The following BNC2 variants were observed in gnomAD, a reference collection of about 807,000 sequenced individuals.
The protein encoded by BNC2 is basonuclin zinc finger protein 2.
Under a neutral mutation model 76.3 loss-of-function variants are expected in BNC2, and 20 were observed. The observed-to-expected ratio is 0.26, with a 90% confidence interval of 0.18 to 0.38. The LOEUF is 0.38. Ranked by LOEUF, BNC2 falls within the 10% of genes least tolerant of loss-of-function variation. The pLI is 1.00. For missense variants in BNC2, 1,382 were observed against 1,399.8 expected, an observed-to-expected ratio of 0.99 and a Z score of 0.20; for synonymous variants, 582 against 514.8, an observed-to-expected ratio of 1.13 and a Z score of -1.77.
chr9:16,791,451 G>C (rs1261053406), intron 1 of BNC2, among the ~76,000 whole-genome samples: 1 of 152,110 alleles, frequency 6.6e-6, no homozygotes, highest in Non-Finnish European at 1.5e-5. Flanking sequence ...TGAAAATTGT[G>C]TATATTAAAA....
intron 1 of BNC2, among the ~76,000 whole-genome samples, chr9:16,856,883 G>A (rs1216153758): frequency 1.3e-5 from 2 of 152,122 alleles, no homozygotes; most frequent in African/African-American, 4.8e-5. Context: ...GTATTACAGG[G>A]AGATTAGATA....
chr9:16,861,915 G>C (rs1373460869), intron 1 of BNC2, among the ~76,000 whole-genome samples: 1 of 152,044 alleles, frequency 6.6e-6, no homozygotes, highest in Non-Finnish European at 1.5e-5. Context: ...CGTGAACCTG[G>C]GAGGTGGAGC....
chr9:16,868,741 A>G (rs1250729218), intron 1 of BNC2, among the ~76,000 whole-genome samples: 2 of 152,256 alleles, frequency 1.3e-5, no homozygotes, highest in Non-Finnish European at 2.9e-5. Context: ...AACAGTTTAC[A>G]TGAAACGGCT....
intron 5 of BNC2, among the ~76,000 whole-genome samples, chr9:16,494,834 G>A (rs1443466565): frequency 6.6e-6 from 1 of 152,122 alleles, no homozygotes; most frequent in African/African-American, 2.4e-5. Context: ...CTGTTGTGGG[G>A]TGGAGGGCTG....
intron 1 of BNC2, among the ~76,000 whole-genome samples, chr9:16,741,338 A>G (rs2135162171): frequency 6.6e-6 from 1 of 152,234 alleles, no homozygotes; most frequent in Admixed American, 6.5e-5. Flanking sequence ...CTGTAATACC[A>G]ACTACTCAGG....
At chr9:16,811,230 C>A (rs1240130950) in intron 1 of BNC2, among the ~76,000 whole-genome samples, 46 of 97,526 alleles carry the variant, frequency 4.7e-4, no homozygotes, top group African/African-American at 7.9e-4. Context: ...CTCAAAAGAC[C>A]AAAAAAAAAA....
At chr9:16,691,410 C>T (rs924160581) in intron 3 of BNC2, among the ~76,000 whole-genome samples, 2 of 151,890 alleles carry the variant, frequency 1.3e-5, no homozygotes, top group East Asian at 1.9e-4. Context: ...ACAGATTTCA[C>T]GTACTTCCTG....
chr9:16,679,673 C>T (rs914072688), intron 3 of BNC2, among the ~76,000 whole-genome samples: 5 of 152,192 alleles, frequency 3.3e-5, no homozygotes, highest in African/African-American at 9.7e-5. Context: ...CCTAGATGCG[C>T]GGGCCGGATG....
chr9:16,557,680 C>G (rs1818879394), intron 4 of BNC2, among the ~76,000 whole-genome samples: 1 of 152,012 alleles, frequency 6.6e-6, no homozygotes, highest in Non-Finnish European at 1.5e-5. Flanking sequence ...GTGGGCTGAA[C>G]TGTACTTGCT....
chr9:16,684,424 C>T (rs1295497172), intron 3 of BNC2, among the ~76,000 whole-genome samples: 1 of 152,126 alleles, frequency 6.6e-6, no homozygotes, highest in African/African-American at 2.4e-5. Context: ...CACAGCAGAG[C>T]TCAGGTGGTC....
chr9:16,550,780 T>C (rs970413795), intron 5 of BNC2, among the ~76,000 whole-genome samples: 6 of 152,254 alleles, frequency 3.9e-5, no homozygotes, highest in Non-Finnish European at 8.8e-5. Context: ...TGGTACCAGA[T>C]TGGGGCAAAA....
chr9:16,802,114 C>T (rs1027309899), intron 1 of BNC2, among the ~76,000 whole-genome samples: 15 of 152,172 alleles, frequency 9.9e-5, no homozygotes, highest in Non-Finnish European at 1.8e-4. Context: ...ACATAGCTAT[C>T]ATTCATTTCT....
intron 1 of BNC2, among the ~76,000 whole-genome samples, chr9:16,769,883 G>A (rs1388343889): frequency 1.3e-5 from 2 of 152,112 alleles, no homozygotes; most frequent in Admixed American, 1.3e-4. Context: ...ACCAACCTGT[G>A]GCATTTTCAG....
At chr9:16,724,277 T>C (rs1467512495) in intron 3 of BNC2, among the ~76,000 whole-genome samples, 3 of 151,966 alleles carry the variant, frequency 2.0e-5, no homozygotes, top group Non-Finnish European at 2.9e-5. Context: ...TTATTTACTA[T>C]TCTCTCAAAT....
At chr9:16,520,641 T>G (rs1025046565) in intron 5 of BNC2, among the ~76,000 whole-genome samples, 2 of 151,916 alleles carry the variant, frequency 1.3e-5, no homozygotes, top group African/African-American at 2.4e-5. Context: ...ACTCCTTTCA[T>G]CCCAGCAGCC....
At chr9:16,820,674 T>G (rs1818303615) in intron 1 of BNC2, among the ~76,000 whole-genome samples, 1 of 152,204 alleles carries the variant, frequency 6.6e-6, no homozygotes, top group East Asian at 1.9e-4. Flanking sequence ...TAAGACTCAG[T>G]AAGGTTACTA....
chr9:16,446,890 T>A lies in BNC2; in HGVS notation c.670-9366A>T, dbSNP rs570583721. ...CCTTGTACTGAGGAATTTTAGCTTG[T>A]CTAGCTTAAAACCAGCCATATGCAT... On this transcript the variant is annotated intron_variant, in intron 5 of 6. Transcript: ENST00000380672. Among the ~76,000 whole-genome samples the A allele has an allele frequency of 5.2e-4, 79 of 152,254 alleles. 1 individual carries two copies. The South Asian group carries it at 0.016, about 30-fold the overall frequency.
At chr9:16,762,515 C>T (rs1825581475) in intron 1 of BNC2, among the ~76,000 whole-genome samples, 1 of 152,208 alleles carries the variant, frequency 6.6e-6, no homozygotes, top group African/African-American at 2.4e-5. Flanking sequence ...TCCAGAGAGG[C>T]ACAATGAACT....
intron 3 of BNC2, among the ~76,000 whole-genome samples, chr9:16,616,436 C>T (rs551242858): frequency 3.9e-5 from 6 of 152,022 alleles, no homozygotes; most frequent in East Asian, 3.9e-4. Context: ...GTAGCTCACA[C>T]CTGTAATCCC....
Sources: allele counts gnomAD v4.1 joint callset (sites outside exome capture counted in the v4.1 genomes callset), GRCh38; gene constraint gnomAD v4.1.1; transcripts MANE v1.5; gene names NCBI Gene and HGNC (gene_info 2026-07-23, HGNC 2026-07-21).